TRABD2B: variants seen among roughly 807,000 people sequenced by gnomAD.
TRABD2B encodes TraB domain containing 2B.
TRABD2B carries 14 observed loss-of-function variants against 40.1 expected under a neutral mutation model. The ratio of observed to expected loss-of-function variants is 0.35; its 90% CI spans 0.23 to 0.55. The LOEUF is 0.55. TRABD2B is among the 20% of genes least tolerant of loss of function. The pLI, the probability that TRABD2B is intolerant of heterozygous loss-of-function variation, is 0.90. For synonymous variants in TRABD2B, 263 were observed against 277.0 expected, an observed-to-expected ratio of 0.95 and a Z score of 0.50; for missense variants, 541 against 648.6, an observed-to-expected ratio of 0.83 and a Z score of 1.80.
At chr1:47,923,403 A>G (rs944655831) in intron 2 of TRABD2B, among the ~76,000 whole-genome samples, 4 of 152,214 alleles carry the variant, frequency 2.6e-5, no homozygotes, top group African/African-American at 7.2e-5. Context: ...TGCCTGGCAT[A>G]AAGTCAAGGT....
At position 47,997,249 on chromosome 1, in the gene TRABD2B, G is replaced by T; in HGVS notation, c.-460C>A. The T allele has an allele frequency of 1.0e-6, 1 of 981,788 alleles. No individual in the cohort carries two copies. The highest frequency in any genetic ancestry group is 1.2e-6 in the Non-Finnish European group (1 of 828,100). The allele number at this position is 981,788 out of a possible 1,614,324, so 60.8% of individuals were successfully genotyped here. ...GGCGCGCAGTGGGACAAGTGCGGCG[G>T]AAGGCGCGGCAGGGGTGGGGGGCGG... On this transcript the variant is annotated 5_prime_UTR_variant, in exon 1 of 7. Transcript: ENST00000606738.
intron 2 of TRABD2B, among the ~76,000 whole-genome samples, chr1:47,919,735 T>C (rs1266347949): frequency 6.6e-6 from 1 of 152,202 alleles, no homozygotes; most frequent in Non-Finnish European, 1.5e-5. Context: ...GTGCCTGAGC[T>C]GGGTCACTGC....
At chr1:47,943,409 A>G (rs1447508632) in intron 2 of TRABD2B, among the ~76,000 whole-genome samples, 1 of 152,262 alleles carries the variant, frequency 6.6e-6, no homozygotes, top group Non-Finnish European at 1.5e-5. Context: ...AAGGAGGTTG[A>G]AAAAAGCACA....
intron 3 of TRABD2B, among the ~76,000 whole-genome samples, chr1:47,799,749 C>A (rs1644795320): frequency 6.6e-6 from 1 of 152,122 alleles, no homozygotes; most frequent in Non-Finnish European, 1.5e-5. Context: ...TATTATTCCT[C>A]CCCTTGTCTA....
At chr1:47,922,939 C>G (rs1644920897) in intron 2 of TRABD2B, among the ~76,000 whole-genome samples, 1 of 152,202 alleles carries the variant, frequency 6.6e-6, no homozygotes, top group African/African-American at 2.4e-5. Flanking sequence ...TCCTGAATGG[C>G]CTTATAAAGC....
chr1:47,783,517 C>T (rs1644554158), intron 4 of TRABD2B, among the ~76,000 whole-genome samples: 1 of 152,056 alleles, frequency 6.6e-6, no homozygotes, highest in African/African-American at 2.4e-5. Context: ...AGAAGACAGG[C>T]AAAGTAAGGA....
At chr1:47,770,523 C>T (rs3850882) in intron 6 of TRABD2B, among the ~76,000 whole-genome samples, 3,400 of 152,296 alleles carry the variant, frequency 0.022, 121 homozygotes, top group African/African-American at 0.077. Flanking sequence ...TCATAGCAGA[C>T]CATAGCTGGA....
At chr1:47,946,024 T>C (rs549748521) in intron 2 of TRABD2B, among the ~76,000 whole-genome samples, 1 of 152,350 alleles carries the variant, frequency 6.6e-6, no homozygotes, top group South Asian at 2.1e-4. Flanking sequence ...GTACAAGATT[T>C]GTAATAGCTC....
chr1:47,905,020 A>T (rs1003836793), intron 2 of TRABD2B, among the ~76,000 whole-genome samples: 2 of 152,188 alleles, frequency 1.3e-5, no homozygotes, highest in Non-Finnish European at 2.9e-5. Flanking sequence ...CTGTGGAGGA[A>T]ACAAAGGTAG....
intron 2 of TRABD2B, among the ~76,000 whole-genome samples, chr1:47,907,941 A>G (rs1225598983): frequency 6.6e-6 from 1 of 152,236 alleles, no homozygotes. Context: ...GAGAGGGACT[A>G]GGTAAAGTTT....
chr1:47,950,261 G>C (rs1027469054), intron 2 of TRABD2B, among the ~76,000 whole-genome samples: 2 of 152,012 alleles, frequency 1.3e-5, no homozygotes, highest in East Asian at 3.9e-4. Flanking sequence ...CTCCAGCTTG[G>C]GCGATAGAGC....
chr1:47,917,987 T>C (rs1446971890), intron 2 of TRABD2B, among the ~76,000 whole-genome samples: 1 of 152,246 alleles, frequency 6.6e-6, no homozygotes, highest in African/African-American at 2.4e-5. Context: ...ACAGTTATTA[T>C]TCCCATTTTG....
chr1:47,818,696 G>A (rs766440901), intron 2 of TRABD2B: 4 of 152,260 alleles, frequency 2.6e-5, no homozygotes, highest in Admixed American at 6.5e-5. Context: ...CCAGGGAGAG[G>A]AAAGAGCGCT....
chr1:47,791,670 G>C (rs1438716630), intron 4 of TRABD2B, among the ~76,000 whole-genome samples: 1 of 152,174 alleles, frequency 6.6e-6, no homozygotes, highest in Non-Finnish European at 1.5e-5. Flanking sequence ...TCCACCAAGA[G>C]AGTGCTTAGT....
rs541451299 is a variant in TRABD2B at position 47,917,980 on chromosome 1, G to C, written c.666+76054C>G. Among the ~76,000 whole-genome samples, 9 of 152,332 alleles carry C rather than the reference G, an allele frequency of 5.9e-5. No individual in the cohort carries two copies. The East Asian group carries it at 1.5e-3, about 26-fold the overall frequency. On this transcript the variant is annotated intron_variant, in intron 2 of 6. Coordinates refer to ENST00000606738, the MANE Select transcript of TRABD2B (RefSeq NM_001194986.2). Reference sequence around the variant, plus strand: ...GCTGTCCTGTCTCATTCTTGCAACAGTTATTATTCCCATTTTGCATTTGGA... The same window carrying C: ...GCTGTCCTGTCTCATTCTTGCAACACTTATTATTCCCATTTTGCATTTGGA...
intron 2 of TRABD2B, among the ~76,000 whole-genome samples, chr1:47,914,713 C>T (rs1570277061): frequency 1.3e-5 from 2 of 152,328 alleles, no homozygotes; most frequent in East Asian, 3.9e-4. Flanking sequence ...AGAGCTGGTC[C>T]ATTGGCACTG....
intron 2 of TRABD2B, among the ~76,000 whole-genome samples, chr1:47,820,821 C>CACACAA (rs1230605418): frequency 1.5e-5 from 2 of 134,394 alleles, no homozygotes; most frequent in East Asian, 4.6e-4. Flanking sequence ...CACACACACA[C>CACACAA]AAAATCTTAC....
At chr1:47,913,877 C>A (rs1423599522) in intron 2 of TRABD2B, among the ~76,000 whole-genome samples, 2 of 152,212 alleles carry the variant, frequency 1.3e-5, no homozygotes, top group Non-Finnish European at 2.9e-5. Context: ...CCTATCAACT[C>A]CTAATGAGGG....
chr1:47,981,764 A>G (rs142445008), intron 2 of TRABD2B, among the ~76,000 whole-genome samples: 85 of 152,342 alleles, frequency 5.6e-4, no homozygotes, highest in African/African-American at 2.0e-3. Flanking sequence ...TTGGGAGAAA[A>G]GAGGAAAAAC....
Sources: gnomAD v4.1 joint callset for allele counts (sites outside exome capture counted in the v4.1 genomes callset) on GRCh38, gnomAD v4.1.1 for gene constraint, MANE v1.5 for transcripts, NCBI Gene and HGNC (gene_info 2026-07-23, HGNC 2026-07-21) for gene names.